Variants in RFX3 observed in about 807,000 individuals in gnomAD.
The protein encoded by RFX3 is transcription factor RFX3.
RFX3 carries 14 observed loss-of-function variants against 98.6 expected under a neutral mutation model. The observed-to-expected ratio is 0.14, with a 90% confidence interval of 0.09 to 0.22. The LOEUF (loss-of-function observed/expected upper bound fraction) is 0.22. RFX3 is among the 10% of genes least tolerant of loss of function. The pLI, the probability that RFX3 is intolerant of heterozygous loss-of-function variation, is 1.00. For synonymous variants in RFX3, 383 were observed against 328.4 expected, an observed-to-expected ratio of 1.17 and a Z score of -1.80; for missense variants, 639 against 926.9, an observed-to-expected ratio of 0.69 and a Z score of 4.03.
At chr9:3,311,611 G>A (rs183511526) in intron 4 of RFX3, among the ~76,000 whole-genome samples, 7 of 152,306 alleles carry the variant, frequency 4.6e-5, no homozygotes, top group Admixed American at 1.3e-4. Context: ...AAGACCGGGC[G>A]TGGTGGCTCT....
At chr9:3,396,256 G>T (rs368290367) in intron 1 of RFX3, among the ~76,000 whole-genome samples, 6 of 151,370 alleles carry the variant, frequency 4.0e-5, no homozygotes, top group African/African-American at 1.5e-4. Context: ...TGTTCTCATT[G>T]TTCAATTCCC....
chr9:3,514,820 G>T (rs1817996300), intron 1 of RFX3, among the ~76,000 whole-genome samples: 1 of 152,134 alleles, frequency 6.6e-6, no homozygotes, highest in African/African-American at 2.4e-5. Context: ...GGGTTTCCGT[G>T]TTATGTACTG....
At chr9:3,479,306 A>C (rs1201582578) in intron 1 of RFX3, among the ~76,000 whole-genome samples, 2 of 152,026 alleles carry the variant, frequency 1.3e-5, no homozygotes, top group African/African-American at 4.8e-5. Context: ...TGAGGCCCTC[A>C]CTCCACCATT....
chr9:3,345,630 T>G (rs1045353838), intron 3 of RFX3, among the ~76,000 whole-genome samples: 1 of 152,174 alleles, frequency 6.6e-6, no homozygotes, highest in African/African-American at 2.4e-5. Flanking sequence ...TCCCCTTCCA[T>G]GGTAACAATA....
intron 4 of RFX3, among the ~76,000 whole-genome samples, chr9:3,305,217 A>C (rs1170291885): frequency 6.6e-6 from 1 of 152,078 alleles, no homozygotes; most frequent in African/African-American, 2.4e-5. Context: ...TTTCATGTAT[A>C]TATGGGAGTG....
intron 16 of RFX3, among the ~76,000 whole-genome samples, chr9:3,225,575 A>G (rs1817669765): frequency 6.6e-6 from 1 of 152,154 alleles, no homozygotes; most frequent in African/African-American, 2.4e-5. Context: ...TAAGTGTTAT[A>G]TTAAATAATG....
chr9:3,315,702 G>A (rs772457643), intron 4 of RFX3, among the ~76,000 whole-genome samples: 27 of 152,070 alleles, frequency 1.8e-4, no homozygotes, highest in Non-Finnish European at 2.8e-4. Flanking sequence ...TATCACCACC[G>A]ATCTCATAGA....
intron 2 of RFX3, among the ~76,000 whole-genome samples, chr9:3,352,379 T>C (rs1017176267): frequency 1.3e-5 from 2 of 151,398 alleles, no homozygotes; most frequent in South Asian, 4.2e-4. Flanking sequence ...TGAAAAGAGG[T>C]GAGGGGGTGA....
chr9:3,425,198 C>A (rs1173793970), intron 1 of RFX3, among the ~76,000 whole-genome samples: 1 of 152,148 alleles, frequency 6.6e-6, no homozygotes, highest in Non-Finnish European at 1.5e-5. Context: ...GATCACACAC[C>A]ACTGCCCGCC....
At chr9:3,292,151 A>G (rs1340113161) in intron 6 of RFX3, among the ~76,000 whole-genome samples, 3 of 149,372 alleles carry the variant, frequency 2.0e-5, no homozygotes, top group Admixed American at 1.4e-4. Flanking sequence ...TTAAGGGTAT[A>G]TCACCTAATG....
chr9:3,412,877 T>C (rs541382451), intron 1 of RFX3, among the ~76,000 whole-genome samples: 4 of 152,286 alleles, frequency 2.6e-5, no homozygotes, highest in East Asian at 1.9e-4. Context: ...CTACCACCAA[T>C]GTTGAAAACC....
chr9:3,464,256 T>C (rs1016930768), intron 1 of RFX3, among the ~76,000 whole-genome samples: 2 of 152,240 alleles, frequency 1.3e-5, no homozygotes, highest in African/African-American at 4.8e-5. Flanking sequence ...CCTTATCATA[T>C]GACTCAGCAA....
At chr9:3,352,245 T>C (rs991692564) in intron 2 of RFX3, among the ~76,000 whole-genome samples, 11 of 151,836 alleles carry the variant, frequency 7.2e-5, no homozygotes, top group Non-Finnish European at 1.3e-4. Flanking sequence ...AAAATGTGTG[T>C]ATGTGTGTGT....
At chr9:3,249,753 G>C (rs1284675860) in intron 14 of RFX3, among the ~76,000 whole-genome samples, 14 of 152,118 alleles carry the variant, frequency 9.2e-5, no homozygotes, top group African/African-American at 3.4e-4. Flanking sequence ...ATAATTTTTT[G>C]TAAGGTTCAA....
intron 2 of RFX3, among the ~76,000 whole-genome samples, chr9:3,394,027 C>A (rs934269647): frequency 6.6e-6 from 1 of 151,962 alleles, no homozygotes; most frequent in African/African-American, 2.4e-5. Flanking sequence ...GGAACATAAG[C>A]AATAGATTGA....
chr9:3,220,900 T>G lies in RFX3; in HGVS notation c.*4142A>C, dbSNP rs1817312751. ...CATTAATTGATTCGTTCTAACCATATACATGGAGGTTGTTCTGATCTAACA... is the reference window on the plus strand; with the variant it reads ...CATTAATTGATTCGTTCTAACCATAGACATGGAGGTTGTTCTGATCTAACA... On this transcript the variant is annotated 3_prime_UTR_variant, in exon 17 of 17. Transcript: ENST00000617270. 6.6e-6 allele frequency: 1 copy of G among 152,186 alleles called. No individual in the cohort carries two copies. Among genetic ancestry groups the G allele is most frequent in the Non-Finnish European group, 1.5e-5 (1 of 68,032 alleles). The allele number at this position is 152,186 out of a possible 1,614,324, so 9.4% of individuals were successfully genotyped here. A position where few individuals can be genotyped will look rare whatever the true frequency, so the allele number is the denominator to read the frequency against.
chr9:3,367,951 A>G (rs1244731125), intron 2 of RFX3, among the ~76,000 whole-genome samples: 1 of 152,206 alleles, frequency 6.6e-6, no homozygotes, highest in East Asian at 1.9e-4. Flanking sequence ...TCTATTTCAC[A>G]AGAGGTTAGG....
intron 4 of RFX3, among the ~76,000 whole-genome samples, chr9:3,322,951 A>G (rs1452361647): frequency 1.3e-5 from 2 of 152,136 alleles, no homozygotes; most frequent in African/African-American, 4.8e-5. Flanking sequence ...TTCCTTTCCT[A>G]TAAGACAGAT....
At chr9:3,372,700 C>T (rs1283410740) in intron 2 of RFX3, among the ~76,000 whole-genome samples, 2 of 151,992 alleles carry the variant, frequency 1.3e-5, no homozygotes, top group African/African-American at 2.4e-5. Context: ...ATTCTCCTGC[C>T]TCAGCCTCCC....
Sources: gnomAD v4.1 joint callset for allele counts (sites outside exome capture counted in the v4.1 genomes callset) on GRCh38, gnomAD v4.1.1 for gene constraint, MANE v1.5 for transcripts, NCBI Gene and HGNC (gene_info 2026-07-23, HGNC 2026-07-21) for gene names.